Variants in CNTN4 observed in about 807,000 individuals in gnomAD.
CNTN4 encodes contactin 4.
In CNTN4, 77 loss-of-function variants were observed where a neutral mutation model predicts 122.5. The observed-to-expected ratio is 0.63, with a 90% CI of 0.52 to 0.76. CNTN4 has a LOEUF of 0.76. CNTN4 is among the 30% of genes least tolerant of loss of function. The pLI is 0.00. For missense variants in CNTN4, 1,256 were observed against 1,259.1 expected (o/e 1.00, Z 0.04); for synonymous variants, 512 against 447.0 (o/e 1.15, Z -1.83).
intron 3 of CNTN4, among the ~76,000 whole-genome samples, chr3:2,445,797 G>A (rs2048604038): frequency 6.6e-6 from 1 of 152,034 alleles, no homozygotes; most frequent in African/African-American, 2.4e-5. Context: ...TTTGATCGGA[G>A]CTTCCAGAAC....
At chr3:2,643,149 G>T (rs2082969955) in intron 4 of CNTN4, among the ~76,000 whole-genome samples, 1 of 152,076 alleles carries the variant, frequency 6.6e-6, no homozygotes, top group Non-Finnish European at 1.5e-5. Flanking sequence ...ATCTCATAGT[G>T]ATTTGCTCTT....
chr3:2,359,827 C>T (rs942704852), intron 3 of CNTN4, among the ~76,000 whole-genome samples: 10 of 152,190 alleles, frequency 6.6e-5, no homozygotes, highest in Admixed American at 5.9e-4. Flanking sequence ...TCGAGAGCCA[C>T]GGCACCTGGC....
chr3:2,182,256 T>TCG (rs1266800580), intron 2 of CNTN4, among the ~76,000 whole-genome samples: 1 of 151,832 alleles, frequency 6.6e-6, no homozygotes, highest in African/African-American at 2.4e-5. Flanking sequence ...TCTCTATTTC[T>TCG]CTGTCTTTTT....
intron 3 of CNTN4, among the ~76,000 whole-genome samples, chr3:2,570,329 A>G (rs2079367240): frequency 6.6e-6 from 1 of 151,900 alleles, no homozygotes; most frequent in Non-Finnish European, 1.5e-5. Context: ...GTGCACCACC[A>G]TGCCAGGCTG....
intron 3 of CNTN4, among the ~76,000 whole-genome samples, chr3:2,371,154 C>T (rs1326886002): frequency 6.6e-6 from 1 of 152,114 alleles, no homozygotes; most frequent in African/African-American, 2.4e-5. Flanking sequence ...CCAGAGGTTC[C>T]TTCTAACATA....
At chr3:2,260,336 GCATTATCATTTTTTT>G (rs1559388243) in intron 2 of CNTN4, among the ~76,000 whole-genome samples, 1 of 151,942 alleles carries the variant, frequency 6.6e-6, no homozygotes. Flanking sequence ...ATGTTTTCAG[GCATTATCATTTTTTT>G]TTTGGCTTCC....
chr3:2,125,409 A>C (rs897278737), intron 2 of CNTN4, among the ~76,000 whole-genome samples: 14 of 150,418 alleles, frequency 9.3e-5, no homozygotes, highest in Non-Finnish European at 1.9e-4. Context: ...ATAGATATTT[A>C]GGTTGTTTCC....
intron 14 of CNTN4, among the ~76,000 whole-genome samples, chr3:2,994,613 A>ATATATATATATATATATATGTG (rs370506181): frequency 5.6e-5 from 8 of 142,156 alleles, no homozygotes; most frequent in African/African-American, 1.8e-4. Context: ...ATATATATAT[A>ATATATATATATATATATATGTG]TGTGTGTATA....
chr3:2,437,868 G>A (rs2151257981), intron 3 of CNTN4, among the ~76,000 whole-genome samples: 1 of 150,266 alleles, frequency 6.7e-6, no homozygotes. Flanking sequence ...GGGGGTAATG[G>A]CTTGCCTACT....
chr3:2,481,009 C>A (rs987446020), intron 3 of CNTN4, among the ~76,000 whole-genome samples: 120 of 144,942 alleles, frequency 8.3e-4, no homozygotes, highest in African/African-American at 2.9e-3. Flanking sequence ...TTTTTTAATT[C>A]TTTCTTTCTT....
intron 10 of CNTN4, among the ~76,000 whole-genome samples, chr3:2,887,660 A>G (rs2093994091): frequency 6.6e-6 from 1 of 151,984 alleles, no homozygotes; most frequent in South Asian, 2.1e-4. Context: ...TAGCAATTTA[A>G]TGTGGTACCA....
chr3:2,659,878 A>T (rs2083792841), intron 4 of CNTN4, among the ~76,000 whole-genome samples: 1 of 152,216 alleles, frequency 6.6e-6, no homozygotes, highest in Non-Finnish European at 1.5e-5. Flanking sequence ...TAAATTTCTT[A>T]AAACATTGCT....
intron 6 of CNTN4, among the ~76,000 whole-genome samples, chr3:2,762,182 C>G (rs960224020): frequency 1.3e-5 from 2 of 152,138 alleles, no homozygotes; most frequent in African/African-American, 4.8e-5. Context: ...GAATGAAGAG[C>G]TGACCTAAAA....
chr3:2,757,198 C>G (rs2090376910), intron 6 of CNTN4, among the ~76,000 whole-genome samples: 1 of 152,052 alleles, frequency 6.6e-6, no homozygotes, highest in Non-Finnish European at 1.5e-5. Flanking sequence ...TATGATTTGA[C>G]CAGATAATGA....
chr3:2,854,268 CTT>C (rs56147510), intron 7 of CNTN4, among the ~76,000 whole-genome samples: 1 of 90,048 alleles, frequency 1.1e-5, no homozygotes, highest in Admixed American at 1.5e-4. Flanking sequence ...CTTTCTTCTT[CTT>C]TTTTTTTTTT....
chr3:2,353,495 T>C (rs2044730603), intron 3 of CNTN4, among the ~76,000 whole-genome samples: 1 of 152,106 alleles, frequency 6.6e-6, no homozygotes, highest in African/African-American at 2.4e-5. Flanking sequence ...TGCACTGCCC[T>C]TAAGAGCTAT....
At chr3:2,445,174 G>A (rs1451357710) in intron 3 of CNTN4, among the ~76,000 whole-genome samples, 2 of 152,130 alleles carry the variant, frequency 1.3e-5, no homozygotes, top group Non-Finnish European at 2.9e-5. Context: ...TCAGACATCA[G>A]CTCTCCTAAA....
intron 2 of CNTN4, among the ~76,000 whole-genome samples, chr3:2,303,090 T>C (rs2042581612): frequency 6.6e-6 from 1 of 152,224 alleles, no homozygotes; most frequent in South Asian, 2.1e-4. Context: ...TGTTAACATC[T>C]GTTTTCAGAT....
chr3:2,872,108 G>A (rs1265609887), intron 8 of CNTN4, among the ~76,000 whole-genome samples: 6 of 120,794 alleles, frequency 5.0e-5, no homozygotes, highest in Non-Finnish European at 8.4e-5. Flanking sequence ...AGCCTGCTCT[G>A]TTATATGCTT....
Sources: allele counts gnomAD v4.1 joint callset (sites outside exome capture counted in the v4.1 genomes callset), GRCh38; gene constraint gnomAD v4.1.1; transcripts MANE v1.5; gene names NCBI Gene and HGNC (gene_info 2026-07-23, HGNC 2026-07-21).